The following IFT80 variants were observed in gnomAD, a reference collection of about 807,000 sequenced individuals.
IFT80 encodes intraflagellar transport 80.
In IFT80, 79 loss-of-function variants were observed where a neutral mutation model predicts 107.9. That is an observed-to-expected ratio of 0.73 (90% confidence interval 0.61 to 0.88). IFT80 has a LOEUF of 0.88. IFT80 is among the 40% of genes least tolerant of loss of function. The pLI is 0.00. For synonymous variants in IFT80, 299 were observed against 300.9 expected (o/e 0.99, Z 0.07); for missense variants, 797 against 914.2 (o/e 0.87, Z 1.65).
At chr3:160,286,041 A>G (rs1269194383) in intron 12 of IFT80, among the ~76,000 whole-genome samples, 173 bp from the exon 13 acceptor site, 1 of 152,170 alleles carries the variant, frequency 6.6e-6, no homozygotes, top group Non-Finnish European at 1.5e-5. Context: ...TGAAAACAAT[A>G]AAACTGAATA....
intron 11 of IFT80, among the ~76,000 whole-genome samples, chr3:160,302,395 A>C (rs544225604): frequency 6.6e-6 from 1 of 152,168 alleles, no homozygotes; most frequent in Admixed American, 6.5e-5. Flanking sequence ...TTATGAAAAC[A>C]ATATTTGCTA....
intron 1 of IFT80, among the ~76,000 whole-genome samples, chr3:160,392,323 T>C (rs1713445544): frequency 6.6e-6 from 1 of 152,224 alleles, no homozygotes; most frequent in South Asian, 2.1e-4. Context: ...TGAATGTAAA[T>C]ATATTCACCA....
At chr3:160,365,507 TA>T (rs1013233601) in intron 6 of IFT80, among the ~76,000 whole-genome samples, 2 of 152,114 alleles carry the variant, frequency 1.3e-5, no homozygotes, top group Non-Finnish European at 2.9e-5. Flanking sequence ...CTTGGTTGAC[TA>T]AAAGGTAGAG....
chr3:160,356,178 TATA>T, intron 7 of IFT80, 28 bp from the exon 8 acceptor site: 2 of 1,606,650 alleles, frequency 1.2e-6, no homozygotes, highest in Non-Finnish European at 8.5e-7. Context: ...AAAAATCTTT[TATA>T]ATATCAGGGA....
rs190301841 is a variant in IFT80 at position 160,375,139 on chromosome 3, A to G, written c.439+673T>C. Among the ~76,000 whole-genome samples, 22 of 152,302 alleles carry G rather than the reference A, an allele frequency of 1.4e-4. No homozygotes were observed. In the East Asian group the frequency reaches 3.9e-3, roughly 27 times the overall value. ...CAGCAAGTTTTTTGGCAACCTAAAG[A>G]TCAGCTGATACATACTCAGGTAAAC... On this transcript the variant is annotated intron_variant, in intron 5 of 19. Transcript: ENST00000326448.
intron 3 of IFT80, among the ~76,000 whole-genome samples, chr3:160,381,265 TTAAAGCCAAAGACCC>T (rs1712487878): frequency 3.0e-5 from 4 of 135,334 alleles, no homozygotes; most frequent in Non-Finnish European, 3.3e-5. Context: ...TATATATATA[TTAAAGCCAAAGACCC>T]ATATTCAATC....
At chr3:160,336,299 A>G (rs2108325900) in intron 8 of IFT80, among the ~76,000 whole-genome samples, 1 of 152,292 alleles carries the variant, frequency 6.6e-6, no homozygotes, top group South Asian at 2.1e-4. Context: ...AATTTAAATC[A>G]CTGAAAATAG....
chr3:160,382,466 T>C (rs1298877468), intron 2 of IFT80, among the ~76,000 whole-genome samples: 1 of 152,174 alleles, frequency 6.6e-6, no homozygotes, highest in Non-Finnish European at 1.5e-5. Flanking sequence ...TTTTACTTTA[T>C]TTAACCCATT....
In IFT80 at chr3:160,340,484, G is replaced by A. The variant is rs145289798; in HGVS notation, c.777+15529C>T. Among the ~76,000 whole-genome samples, 139 of 152,290 alleles carry A rather than the reference G, an allele frequency of 9.1e-4. 1 individual carries two copies. Among genetic ancestry groups the A allele is most frequent in the South Asian group, 3.5e-3 (17 of 4,812 alleles). On this transcript the variant is annotated intron_variant, in intron 8 of 19. Transcript: ENST00000326448. Reference sequence around the variant, plus strand: ...GGCTGCATTCCTTTCTGGAAGCTCCGGGAGAAGGACCATTTCCTTGATCAT... The same window carrying A: ...GGCTGCATTCCTTTCTGGAAGCTCCAGGAGAAGGACCATTTCCTTGATCAT...
chr3:160,335,762 A>T (rs1489063303), intron 8 of IFT80, among the ~76,000 whole-genome samples: 1 of 152,172 alleles, frequency 6.6e-6, no homozygotes, highest in Non-Finnish European at 1.5e-5. Flanking sequence ...ACCACTATCT[A>T]ATTTCAGAAC....
intron 3 of IFT80, among the ~76,000 whole-genome samples, chr3:160,380,390 T>C (rs1031484736): frequency 6.6e-6 from 1 of 152,096 alleles, no homozygotes; most frequent in Non-Finnish European, 1.5e-5. Flanking sequence ...CTGCACGAGA[T>C]ACTGAGGAAG....
chr3:160,331,668 A>ATT (rs11418097), intron 8 of IFT80, among the ~76,000 whole-genome samples: 9 of 150,162 alleles, frequency 6.0e-5, no homozygotes, highest in African/African-American at 9.8e-5. Context: ...TACCCTTGTA[A>ATT]TTTTTTTTTT....
chr3:160,380,981 T>A (rs1396496706), intron 3 of IFT80, among the ~76,000 whole-genome samples: 1 of 151,824 alleles, frequency 6.6e-6, no homozygotes, highest in African/African-American at 2.4e-5. Flanking sequence ...ATACCTGTAA[T>A]CCCAGCACTT....
intron 8 of IFT80, among the ~76,000 whole-genome samples, chr3:160,330,457 T>C (rs1719009347): frequency 6.6e-6 from 1 of 152,230 alleles, no homozygotes; most frequent in Admixed American, 6.5e-5. Context: ...ATCTGGCTTC[T>C]TATATTCATA....
chr3:160,280,545 T>G (rs1714605868), intron 15 of IFT80, 122 bp downstream of exon 15: 2 of 781,702 alleles, frequency 2.6e-6, no homozygotes, highest in Non-Finnish European at 4.2e-6. Context: ...GAACAATTTA[T>G]TCATCAATAA....
At chr3:160,348,229 A>G (rs966160938) in intron 8 of IFT80, among the ~76,000 whole-genome samples, 4 of 152,088 alleles carry the variant, frequency 2.6e-5, no homozygotes, top group Non-Finnish European at 5.9e-5. Context: ...CTATTTTTCT[A>G]GATAATTTCT....
chr3:160,346,261 T>C (rs1179815210), intron 8 of IFT80, among the ~76,000 whole-genome samples: 1 of 152,218 alleles, frequency 6.6e-6, no homozygotes, highest in Non-Finnish European at 1.5e-5. Flanking sequence ...ATTTTCAACG[T>C]TATCACTACA....
At chr3:160,386,944 G>C (rs1712979867) in intron 1 of IFT80, among the ~76,000 whole-genome samples, 3 of 152,122 alleles carry the variant, frequency 2.0e-5, no homozygotes, top group Non-Finnish European at 4.4e-5. Flanking sequence ...GAAGCCAGTG[G>C]AGAAGTTATG....
intron 8 of IFT80, among the ~76,000 whole-genome samples, chr3:160,323,127 A>G (rs1244315066): frequency 2.7e-5 from 4 of 149,446 alleles, no homozygotes; most frequent in Non-Finnish European, 6.0e-5. Context: ...TATGTCCTGA[A>G]TGGTAATGCC....
Sources: allele counts gnomAD v4.1 joint callset (sites outside exome capture counted in the v4.1 genomes callset), GRCh38; gene constraint gnomAD v4.1.1; transcripts MANE v1.5; gene names NCBI Gene and HGNC (gene_info 2026-07-23, HGNC 2026-07-21).